SLC39A11: variants seen among roughly 807,000 people sequenced by gnomAD.
SLC39A11 encodes the protein zinc transporter ZIP11.
Under a neutral mutation model 36.1 loss-of-function variants are expected in SLC39A11, and 33 were observed. The ratio of observed to expected loss-of-function variants is 0.91; its 90% CI spans 0.69 to 1.22. The LOEUF is 1.22. SLC39A11 is among the 50% of genes most tolerant of loss of function. The pLI, the probability that SLC39A11 is intolerant of heterozygous loss-of-function variation, is 0.00. For synonymous variants in SLC39A11, 166 were observed against 170.3 expected, an observed-to-expected ratio of 0.97 and a Z score of 0.20; for missense variants, 432 against 430.3, an observed-to-expected ratio of 1.00 and a Z score of -0.03.
chr17:73,040,625 G>A (rs971371028), intron 3 of SLC39A11, among the ~76,000 whole-genome samples: 9 of 152,202 alleles, frequency 5.9e-5, no homozygotes, highest in African/African-American at 2.2e-4. Context: ...GAAATTCCCT[G>A]TATTATTTTT....
intron 4 of SLC39A11, among the ~76,000 whole-genome samples, chr17:73,003,671 CA>C (rs1258330130): frequency 6.6e-6 from 1 of 152,126 alleles, no homozygotes; most frequent in African/African-American, 2.4e-5. Context: ...ATGACTGAGC[CA>C]GGGGTGAGGT....
At chr17:73,035,145 GTT>G (rs2058862814) in intron 3 of SLC39A11, among the ~76,000 whole-genome samples, 1 of 152,062 alleles carries the variant, frequency 6.6e-6, no homozygotes, top group Non-Finnish European at 1.5e-5. Context: ...TTTTGTTTTT[GTT>G]TTTGTTTTTG....
At chr17:72,984,486 G>A (rs1445364654) in intron 4 of SLC39A11, among the ~76,000 whole-genome samples, 1 of 152,192 alleles carries the variant, frequency 6.6e-6, no homozygotes, top group African/African-American at 2.4e-5. Context: ...GAATCCACAG[G>A]CTTCCCAGGA....
intron 5 of SLC39A11, among the ~76,000 whole-genome samples, chr17:72,878,442 G>A (rs1017619546): frequency 3.3e-5 from 5 of 152,194 alleles, no homozygotes; most frequent in African/African-American, 1.2e-4. Flanking sequence ...AACACACCAA[G>A]CTTGTTCCAA....
chr17:73,071,459 C>T (rs11655514), intron 3 of SLC39A11, among the ~76,000 whole-genome samples: 19,009 of 152,218 alleles, frequency 0.12, 1,243 homozygotes, highest in Non-Finnish European at 0.14. Flanking sequence ...AAATGAAGAG[C>T]AAGCCCTGTT....
chr17:73,024,934 T>C (rs1270559735), intron 4 of SLC39A11, among the ~76,000 whole-genome samples: 1 of 144,828 alleles, frequency 6.9e-6, no homozygotes, highest in Non-Finnish European at 1.5e-5. Context: ...CAGGCTGGTC[T>C]TGAACTCCTG....
intron 7 of SLC39A11, among the ~76,000 whole-genome samples, chr17:72,732,887 T>C (rs2074287603): frequency 6.6e-6 from 1 of 152,252 alleles, no homozygotes; most frequent in Admixed American, 6.5e-5. Context: ...ATACACCCTT[T>C]GTGTGATGCA....
At chr17:72,856,234 C>A (rs2079635915) in intron 5 of SLC39A11, among the ~76,000 whole-genome samples, 1 of 152,118 alleles carries the variant, frequency 6.6e-6, no homozygotes. Flanking sequence ...CCTGGTATTT[C>A]TCATCTTGAA....
chr17:72,952,658 A>G (rs1212400338), intron 4 of SLC39A11, among the ~76,000 whole-genome samples: 2 of 152,112 alleles, frequency 1.3e-5, no homozygotes, highest in Admixed American at 1.3e-4. Flanking sequence ...ATTGTTGTTT[A>G]CATTTCTGGT....
chr17:72,958,541 C>A (rs1341453028), intron 4 of SLC39A11, among the ~76,000 whole-genome samples: 1 of 152,130 alleles, frequency 6.6e-6, no homozygotes, highest in Non-Finnish European at 1.5e-5. Context: ...GAGCTAAGGA[C>A]ATGAATAGAC....
At chr17:72,735,707 T>C (rs947942710) in intron 7 of SLC39A11, among the ~76,000 whole-genome samples, 5 of 152,178 alleles carry the variant, frequency 3.3e-5, no homozygotes, top group African/African-American at 4.8e-5. Context: ...TGAAGCCACT[T>C]GAGTTTGCTG....
At chr17:72,781,433 CT>C (rs985022350) in intron 6 of SLC39A11, among the ~76,000 whole-genome samples, 1 of 127,584 alleles carries the variant, frequency 7.8e-6, no homozygotes, top group East Asian at 2.3e-4. Flanking sequence ...TTTCTTTTTT[CT>C]TTTTTTTGAG....
intron 7 of SLC39A11, among the ~76,000 whole-genome samples, chr17:72,723,068 G>A (rs946500726): frequency 5.9e-5 from 9 of 152,156 alleles, no homozygotes; most frequent in Non-Finnish European, 1.2e-4. Context: ...TTACATATTT[G>A]GGGGACGTCT....
At chr17:72,948,266 C>T (rs2085571337) in intron 4 of SLC39A11, among the ~76,000 whole-genome samples, 1 of 150,526 alleles carries the variant, frequency 6.6e-6, no homozygotes, top group Non-Finnish European at 1.5e-5. Context: ...CAAGCGTCAT[C>T]GCCGCACACA....
At chr17:73,002,114 C>T (rs2089857038) in intron 4 of SLC39A11, among the ~76,000 whole-genome samples, 1 of 152,038 alleles carries the variant, frequency 6.6e-6, no homozygotes. Context: ...TATTGTAAGA[C>T]ATACCATTAC....
At chr17:72,947,664 C>T in intron 5 of SLC39A11, 88 bp downstream of exon 5, 2 of 1,587,360 alleles carry the variant, frequency 1.3e-6, no homozygotes, top group South Asian at 1.1e-5. Context: ...TCTCACTATT[C>T]ATCCTACCAC....
chr17:73,050,318 T>A (rs866973275), intron 3 of SLC39A11, among the ~76,000 whole-genome samples: 2 of 86,378 alleles, frequency 2.3e-5, no homozygotes, highest in Non-Finnish European at 4.8e-5. Context: ...TTGGTCTGTT[T>A]GTGGCAAAAA....
At chr17:72,682,676 C>A (rs1193803470) in intron 7 of SLC39A11, among the ~76,000 whole-genome samples, 2 of 152,196 alleles carry the variant, frequency 1.3e-5, no homozygotes, top group Non-Finnish European at 2.9e-5. Context: ...TTCATGGTCT[C>A]TTTTAGCTCC....
rs545936521 is a variant in SLC39A11, at chr17:72,962,974, G to A, written c.307-15099C>T. ...CTTCTCTCTCACTTCAAGTCTCTCT[G>A]ACCTCAAGGAAGGCCCACTCTCTCT... On this transcript the variant is annotated intron_variant, in intron 4 of 9. Coordinates refer to ENST00000255559, the MANE Select transcript of SLC39A11 (RefSeq NM_139177.4). 5.0e-3 allele frequency among the ~76,000 whole-genome samples: 762 copies of A among 152,076 alleles called. 3 individuals carry two copies. Among genetic ancestry groups the A allele is most frequent in the Non-Finnish European group, 8.1e-3 (551 of 67,996 alleles).
Sources: allele counts gnomAD v4.1 joint callset (sites outside exome capture counted in the v4.1 genomes callset), GRCh38; gene constraint gnomAD v4.1.1; transcripts MANE v1.5; gene names NCBI Gene and HGNC (gene_info 2026-07-23, HGNC 2026-07-21).